Variants in FAM151B observed in about 807,000 individuals in gnomAD.
FAM151B encodes family with sequence similarity 151 member B.
In FAM151B, 24 loss-of-function variants were observed where a neutral mutation model predicts 31.2. The ratio of observed to expected loss-of-function variants is 0.77; its 90% CI spans 0.56 to 1.08. FAM151B has a LOEUF of 1.08. FAM151B is among the 50% of genes least tolerant of loss of function. FAM151B has a pLI of 0.00. For synonymous variants in FAM151B, 105 were observed against 111.4 expected (o/e 0.94, Z 0.36); for missense variants, 293 against 328.6 (o/e 0.89, Z 0.84).
At chr5:80,506,657 T>C (rs1291287961) in intron 2 of FAM151B, among the ~76,000 whole-genome samples, 3 of 152,216 alleles carry the variant, frequency 2.0e-5, no homozygotes, top group East Asian at 3.9e-4. Flanking sequence ...CAAGCCTCTT[T>C]ATTGGTCTCA....
intron 3 of FAM151B, among the ~76,000 whole-genome samples, chr5:80,516,656 C>T (rs1410995713): frequency 1.3e-5 from 2 of 152,204 alleles, no homozygotes; most frequent in Non-Finnish European, 2.9e-5. Flanking sequence ...TTCGGATGAT[C>T]ATCTTGGTGA....
At chr5:80,526,578 C>T (rs1351002443) in intron 5 of FAM151B, among the ~76,000 whole-genome samples, 1 of 151,980 alleles carries the variant, frequency 6.6e-6, no homozygotes, top group African/African-American at 2.4e-5. Flanking sequence ...CAAGGTCGCA[C>T]CACTGCACTC....
chr5:80,504,325 T>C (rs1385440205), intron 2 of FAM151B, among the ~76,000 whole-genome samples: 1 of 152,098 alleles, frequency 6.6e-6, no homozygotes, highest in Non-Finnish European at 1.5e-5. Context: ...TTTCTTTCCA[T>C]CTTTCTTATC....
chr5:80,524,916 A>G (rs1442953474), intron 5 of FAM151B, among the ~76,000 whole-genome samples: 1 of 152,220 alleles, frequency 6.6e-6, no homozygotes, highest in African/African-American at 2.4e-5. Context: ...AGCATTTAAA[A>G]TAATGCCCAG....
intron 5 of FAM151B, among the ~76,000 whole-genome samples, chr5:80,534,793 A>G (rs1745417012): frequency 6.6e-6 from 1 of 152,228 alleles, no homozygotes; most frequent in Non-Finnish European, 1.5e-5. Flanking sequence ...AAGGACATCC[A>G]AATTGGAAAG....
chr5:80,527,910 C>A (rs955389139), intron 5 of FAM151B, among the ~76,000 whole-genome samples: 4 of 152,158 alleles, frequency 2.6e-5, no homozygotes, highest in African/African-American at 9.7e-5. Context: ...CTAAACAAAT[C>A]TTTTTGACTC....
intron 1 of FAM151B, among the ~76,000 whole-genome samples, chr5:80,491,202 CTAT>C (rs60195799): frequency 0.94 from 138,589 of 147,656 alleles, 65,484 homozygotes; most frequent in South Asian, 0.99. Context: ...ATATAATACA[CTAT>C]TATTATTATT....
chr5:80,497,385 A>G (rs1448356841), intron 1 of FAM151B, among the ~76,000 whole-genome samples: 2 of 150,898 alleles, frequency 1.3e-5, no homozygotes, highest in East Asian at 4.0e-4. Context: ...CCTGCACTCC[A>G]GCCTGAGTGA....
chr5:80,506,658 A>G (rs1211097028), intron 2 of FAM151B, among the ~76,000 whole-genome samples: 2 of 152,310 alleles, frequency 1.3e-5, no homozygotes, highest in East Asian at 3.9e-4. Flanking sequence ...AAGCCTCTTT[A>G]TTGGTCTCAA....
chr5:80,488,885 A>G (rs566740314), intron 1 of FAM151B, among the ~76,000 whole-genome samples: 18 of 152,278 alleles, frequency 1.2e-4, no homozygotes, highest in Non-Finnish European at 2.2e-4. Context: ...AGGTCCTGAT[A>G]AATGCCATTA....
At chr5:80,520,917 A>G (rs1744678108) in intron 4 of FAM151B, among the ~76,000 whole-genome samples, 1 of 149,048 alleles carries the variant, frequency 6.7e-6, no homozygotes, top group Non-Finnish European at 1.5e-5. Context: ...CCCAGGTTCA[A>G]GTGATTCTCG....
chr5:80,504,896 T>C (rs774200954), intron 2 of FAM151B, among the ~76,000 whole-genome samples: 26 of 152,048 alleles, frequency 1.7e-4, no homozygotes, highest in Non-Finnish European at 2.9e-4. Flanking sequence ...CCTGGGAAAA[T>C]AATAAAAGAC....
intron 5 of FAM151B, among the ~76,000 whole-genome samples, chr5:80,538,416 C>CTTTCTTTCT (rs1391126928): frequency 1.9e-5 from 1 of 53,956 alleles, no homozygotes; most frequent in Non-Finnish European, 3.4e-5. Flanking sequence ...TTCTTTCTTT[C>CTTTCTTTCT]TTTCTTTCTT....
chr5:80,498,080 C>T (rs572386824), intron 1 of FAM151B, among the ~76,000 whole-genome samples: 6 of 152,128 alleles, frequency 3.9e-5, no homozygotes, highest in Non-Finnish European at 8.8e-5. Flanking sequence ...TTAACAGCCA[C>T]GTTAGTCACA....
chr5:80,497,596 C>G (rs1162226533), intron 1 of FAM151B, among the ~76,000 whole-genome samples: 1 of 151,858 alleles, frequency 6.6e-6, no homozygotes, highest in Non-Finnish European at 1.5e-5. Flanking sequence ...TATATACAGT[C>G]GTGGCTTAAA....
At position 80,501,464 on chromosome 5, in the gene FAM151B, T is replaced by TAA; in HGVS notation, c.26-328_26-327insAA. 5.4e-5 allele frequency: 7 copies of TAA among 128,902 alleles called. No homozygotes were observed. The South Asian group carries it at 7.0e-4, about 13-fold the overall frequency. 8.0% of individuals were successfully genotyped at this position (128,902 alleles called of 1,614,324 possible). Reference sequence around the variant, plus strand: ...TAGTAAACAGTACCTGCTCTCAAATTGAAAAAAAAAAAAAAAAAAAAAGAT... The same window carrying TAA: ...TAGTAAACAGTACCTGCTCTCAAATTAAGAAAAAAAAAAAAAAAAAAAAAGAT... On this transcript the variant is annotated intron_variant, in intron 1 of 5. Coordinates refer to ENST00000282226, the MANE Select transcript of FAM151B (RefSeq NM_205548.3).
At chr5:80,533,270 G>C (rs538867295) in intron 5 of FAM151B, among the ~76,000 whole-genome samples, 1 of 151,748 alleles carries the variant, frequency 6.6e-6, no homozygotes, top group Admixed American at 6.6e-5. Context: ...CCAGCTACTC[G>C]GGAGGCTGAG....
intron 1 of FAM151B, among the ~76,000 whole-genome samples, chr5:80,489,234 C>T (rs1270452739): frequency 6.6e-6 from 1 of 151,920 alleles, no homozygotes; most frequent in Non-Finnish European, 1.5e-5. Flanking sequence ...CTGTAATGAA[C>T]ATTTTTGCAT....
chr5:80,498,883 G>T, intron 1 of FAM151B: 1 of 339,042 alleles, frequency 2.9e-6, no homozygotes, highest in South Asian at 3.2e-5. Flanking sequence ...TGATCAGGAG[G>T]AATTCCTGGA....
Sources: allele counts gnomAD v4.1 joint callset (sites outside exome capture counted in the v4.1 genomes callset), GRCh38; gene constraint gnomAD v4.1.1; transcripts MANE v1.5; gene names NCBI Gene and HGNC (gene_info 2026-07-23, HGNC 2026-07-21).